Variants in COL21A1 observed in about 807,000 individuals in gnomAD.
COL21A1 encodes the protein collagen type XXI alpha 1 chain, also known as collagen alpha-1(XXI) chain.
Under a neutral mutation model 137.9 loss-of-function variants are expected in COL21A1, and 149 were observed. The observed-to-expected ratio is 1.08, with a 90% CI of 0.95 to 1.24. COL21A1 has a LOEUF of 1.24. Among genes scored for constraint, COL21A1 ranks in the 50% most tolerant of loss-of-function variants. The pLI, the probability that COL21A1 is intolerant of heterozygous loss-of-function variation, is 0.00. For missense variants in COL21A1, 1,167 were observed against 1,158.4 expected (o/e 1.01, Z -0.11); for synonymous variants, 456 against 391.5 (o/e 1.16, Z -1.95).
chr6:56,324,365 G>C (rs1053592027), intron 1 of COL21A1, among the ~76,000 whole-genome samples: 3 of 152,062 alleles, frequency 2.0e-5, no homozygotes, highest in Admixed American at 6.6e-5. Context: ...AAGGACAAGA[G>C]GTCTCCAGCC....
chr6:56,083,561 A>T (rs1267556000), intron 17 of COL21A1, among the ~76,000 whole-genome samples: 1 of 151,988 alleles, frequency 6.6e-6, no homozygotes, highest in African/African-American at 2.4e-5. Flanking sequence ...CAGGGATTAA[A>T]TTATGGCTAT....
chr6:56,220,667 CA>C (rs1324866100), intron 1 of COL21A1, among the ~76,000 whole-genome samples: 41 of 152,164 alleles, frequency 2.7e-4, no homozygotes, highest in Non-Finnish European at 1.5e-5. Flanking sequence ...ACCTTCTAAA[CA>C]AACCATTCTA....
chr6:56,254,929 A>AT lies in COL21A1; in HGVS notation c.-38-72274dup, dbSNP rs1012525009. ...ACAAATTCTCATTAATTATCCCTAG[A>AT]TTTTTTTTTCTGTCATGATAAGCCA... On this transcript the variant is annotated intron_variant, in intron 1 of 28. Transcript: ENST00000370819. Among the ~76,000 whole-genome samples, 7 of 151,568 alleles carry AT rather than the reference A, an allele frequency of 4.6e-5. No individual in the cohort carries two copies. In the East Asian group the frequency reaches 5.8e-4, roughly 13 times the overall value.
chr6:56,182,785 T>C, intron 1 of COL21A1, 129 bp from the exon 2 acceptor site: 1 of 566,766 alleles, frequency 1.8e-6, no homozygotes, highest in South Asian at 2.4e-5. Flanking sequence ...TTAACTTAAA[T>C]CTGTTTAAAA....
At chr6:56,256,814 A>G (rs900216796) in intron 1 of COL21A1, among the ~76,000 whole-genome samples, 2 of 152,106 alleles carry the variant, frequency 1.3e-5, no homozygotes, top group Non-Finnish European at 2.9e-5. Flanking sequence ...TGTTAGTTGA[A>G]CAATGCTTCA....
chr6:56,271,510 A>T (rs767328044), intron 1 of COL21A1, among the ~76,000 whole-genome samples: 141 of 152,186 alleles, frequency 9.3e-4, no homozygotes, highest in Non-Finnish European at 1.8e-3. Flanking sequence ...GATTTGGAAA[A>T]TTTGCAGCCC....
At chr6:56,149,875 A>G (rs1375899669) in intron 10 of COL21A1, among the ~76,000 whole-genome samples, 3 of 152,020 alleles carry the variant, frequency 2.0e-5, no homozygotes, top group Non-Finnish European at 4.4e-5. Flanking sequence ...CCTAAAATCT[A>G]CTCTCAACCC....
intron 1 of COL21A1, among the ~76,000 whole-genome samples, chr6:56,195,316 T>A (rs1778947722): frequency 6.6e-6 from 1 of 152,304 alleles, no homozygotes; most frequent in South Asian, 2.1e-4. Context: ...CTAAAAGTTT[T>A]TGTCTTTGGT....
intron 12 of COL21A1, among the ~76,000 whole-genome samples, chr6:56,128,307 T>A (rs537418070): frequency 6.6e-6 from 1 of 151,872 alleles, no homozygotes; most frequent in South Asian, 2.1e-4. Flanking sequence ...CATGACAGGG[T>A]TTTTTCAAGT....
chr6:56,306,918 T>G (rs546274608), intron 1 of COL21A1, among the ~76,000 whole-genome samples: 8 of 152,244 alleles, frequency 5.3e-5, no homozygotes, highest in Admixed American at 2.0e-4. Flanking sequence ...ATGTCCTTTC[T>G]GTTTGTTAGT....
In COL21A1 at chr6:56,241,031, A is replaced by G. The variant is rs371938159; in HGVS notation, c.-39+6356T>C. On this transcript the variant is annotated intron_variant, in intron 1 of 29. Transcript: ENST00000244728. ...TTCAACCCTGCTCCCTCCCCATTCC[A>G]TAGGCACCCAAGTAGGAGCTCTGTC... 7.9e-5 allele frequency among the ~76,000 whole-genome samples: 12 copies of G among 152,194 alleles called. No homozygotes were observed. In the East Asian group the frequency reaches 1.9e-3, roughly 24 times the overall value.
chr6:56,325,211 C>T (rs962335455), intron 1 of COL21A1, among the ~76,000 whole-genome samples: 1 of 107,956 alleles, frequency 9.3e-6, no homozygotes, highest in Non-Finnish European at 1.8e-5. Context: ...GTTATAGGAG[C>T]CTTGGTCATG....
Position 56,193,968 on chromosome 6 carries a change from T to G in COL21A1, c.-38-11312A>C, listed in dbSNP as rs115046988. ...CTGGGTTTCACCATATTGGCCAGGATGGTCTTGATTTCTTGATCTCATGAT... is the reference window on the plus strand; with the variant it reads ...CTGGGTTTCACCATATTGGCCAGGAGGGTCTTGATTTCTTGATCTCATGAT... On this transcript the variant is annotated intron_variant, in intron 1 of 29. Transcript: ENST00000244728. Among the ~76,000 whole-genome samples, 1,421 of 152,234 alleles carry G rather than the reference T, an allele frequency of 9.3e-3. 9 individuals carry two copies. The highest frequency in any genetic ancestry group is 0.02 in the Middle Eastern group (6 of 294).
At chr6:56,182,704 T>C in intron 1 of COL21A1, 48 bp from the exon 2 acceptor site, 1 of 788,426 alleles carries the variant, frequency 1.3e-6, no homozygotes, top group Non-Finnish European at 2.1e-6. Context: ...AAAGTCAACA[T>C]CTAGCCATTA....
At chr6:56,234,619 C>CA (rs1283917161) in intron 1 of COL21A1, among the ~76,000 whole-genome samples, 3 of 151,388 alleles carry the variant, frequency 2.0e-5, no homozygotes, top group African/African-American at 4.8e-5. Context: ...TTCTAAAATA[C>CA]AAAAAATTTG....
intron 1 of COL21A1, among the ~76,000 whole-genome samples, chr6:56,188,392 C>T (rs944615469): frequency 1.3e-5 from 2 of 152,156 alleles, no homozygotes; most frequent in African/African-American, 4.8e-5. Flanking sequence ...ATCAACAGGA[C>T]AATCAATATA....
At chr6:56,172,349 G>T (rs1478174191) in intron 3 of COL21A1, among the ~76,000 whole-genome samples, 1 of 152,148 alleles carries the variant, frequency 6.6e-6, no homozygotes, top group Non-Finnish European at 1.5e-5. Flanking sequence ...TAGCACCATT[G>T]CAGGCCAGGA....
At chr6:56,126,232 T>C (rs1773043120) in intron 12 of COL21A1, 83 bp from the exon 13 acceptor site, 2 of 854,020 alleles carry the variant, frequency 2.3e-6, no homozygotes, top group Non-Finnish European at 3.7e-6. Flanking sequence ...ACCTCACCCT[T>C]GTCAAAATCC....
chr6:56,081,698 A>G (rs1413276352), intron 17 of COL21A1, among the ~76,000 whole-genome samples: 1 of 151,882 alleles, frequency 6.6e-6, no homozygotes, highest in Non-Finnish European at 1.5e-5. Context: ...AACCCTTGAT[A>G]AGGAAATGAA....
Sources: allele counts gnomAD v4.1 joint callset (sites outside exome capture counted in the v4.1 genomes callset), GRCh38; gene constraint gnomAD v4.1.1; transcripts MANE v1.5; gene names NCBI Gene and HGNC (gene_info 2026-07-23, HGNC 2026-07-21).